The following L3MBTL1 variants were observed in gnomAD, a reference collection of about 807,000 sequenced individuals.
L3MBTL1 encodes L3MBTL histone methyl-lysine binding protein 1.
A neutral mutation model predicts 105.3 loss-of-function variants in L3MBTL1; 75 were observed. That is an observed-to-expected ratio of 0.71 (90% confidence interval 0.59 to 0.86). The LOEUF (loss-of-function observed/expected upper bound fraction) is 0.86. Ranked by LOEUF, L3MBTL1 falls within the 40% of genes least tolerant of loss-of-function variation. L3MBTL1 has a pLI of 0.00. For synonymous variants in L3MBTL1, 452 were observed against 436.2 expected (o/e 1.04, Z -0.45); for missense variants, 1,069 against 1,126.4 (o/e 0.95, Z 0.73).
downstream of L3MBTL1, among the ~76,000 whole-genome samples, chr20:43,546,575 A>G (rs1978613441): frequency 2.0e-5 from 3 of 152,084 alleles, no homozygotes; most frequent in South Asian, 4.2e-4. Flanking sequence ...CATTGCTATG[A>G]TGCTTGAGGG....
intron 12 of L3MBTL1, 80 bp from the exon 13 acceptor site, chr20:43,533,261 GC>G: frequency 2.3e-6 from 3 of 1,293,432 alleles, no homozygotes; most frequent in Non-Finnish European, 3.3e-6. Flanking sequence ...ATGAGGGTGG[GC>G]CCTGAGCCAT....
At position 43,530,862 on chromosome 20, in the gene L3MBTL1, CA is replaced by C; in HGVS notation, c.1259del (p.Lys420SerfsTer5). The stretch of plus-strand genomic sequence containing the variant: ...GCAGCACAAGAGCTCAGGCTGCCCC[CA>C]AGCACCTGTTTGTGAGCCAGAGCCA... ...LRSTRAQAAP[K>X]HLFVSQSHSP... On this transcript the variant is annotated frameshift_variant, in exon 11 of 22. Coordinates refer to ENST00000418998, the MANE Select transcript of L3MBTL1 (RefSeq NM_001377303.1). LOFTEE classifies it high-confidence loss of function. 6.2e-7 allele frequency: 1 copy of C among 1,614,040 alleles called. No individual in the cohort carries two copies. Among genetic ancestry groups the C allele is most frequent in the East Asian group, 2.2e-5 (1 of 44,876 alleles).
In L3MBTL1 at chr20:43,534,377, G is replaced by A; in HGVS notation, c.1693G>A (p.Glu565Lys). The change falls in exon 15 of 22, where the codon GAG (glutamate) becomes AAG (lysine). Residue 565 changes from glutamate (E) to lysine (K), a missense_variant. Physicochemically the swap from Glu to Lys is moderately conservative, Grantham distance 56. Transcript: ENST00000418998. ...LIRVASVEDV[E>K]DHRIKIHFDG... ...TCGCGTGGCCAGCGTGGAGGATGTG[G>A]AGGACCATCGGATAAAGGTGGCTCT... The A allele has an allele frequency of 6.2e-7, 1 of 1,614,116 alleles. No homozygotes were observed. The highest frequency in any genetic ancestry group is 8.5e-7 in the Non-Finnish European group (1 of 1,179,988).
chr20:43,548,263 C>T (rs1013021988), exon 19 of L3MBTL1: 5 of 1,301,028 alleles, frequency 3.8e-6, no homozygotes, highest in Non-Finnish European at 5.1e-6. Context: ...AGGGCTGGGC[C>T]CTCCTGCAGC....
intron 1 of L3MBTL1, among the ~76,000 whole-genome samples, chr20:43,510,426 G>T (rs2018102482): frequency 8.7e-6 from 1 of 114,660 alleles, no homozygotes; most frequent in Non-Finnish European, 1.8e-5. Context: ...TTTTTTTGAG[G>T]TGGAGTCTTA....
Position 43,519,372 on chromosome 20 carries a change from C to T in L3MBTL1, c.862+3195C>T, listed in dbSNP as rs561169190. Among the ~76,000 whole-genome samples the T allele has an allele frequency of 2.9e-3, 437 of 148,492 alleles. 2 individuals are homozygous for T. The highest frequency in any genetic ancestry group is 0.01 in the African/African-American group (416 of 40,134). ...AAAAAAAAGGCTGGGTGCAGTGGCTCACTCCTGTAATCCCAGCACTTTGGG... is the reference window on the plus strand; with the variant it reads ...AAAAAAAAGGCTGGGTGCAGTGGCTTACTCCTGTAATCCCAGCACTTTGGG... On this transcript the variant is annotated intron_variant, in intron 7 of 21. Coordinates refer to ENST00000418998, the MANE Select transcript of L3MBTL1 (RefSeq NM_001377303.1).
At chr20:43,519,987 G>A (rs1473396679) in intron 7 of L3MBTL1, among the ~76,000 whole-genome samples, 1 of 152,016 alleles carries the variant, frequency 6.6e-6, no homozygotes, top group African/African-American at 2.4e-5. Context: ...CAATTCAGTG[G>A]GGTTTTTTTT....
At chr20:43,531,189 A>G (rs911003024) in intron 11 of L3MBTL1, 1 of 337,472 alleles carries the variant, frequency 3.0e-6, no homozygotes, top group Non-Finnish European at 5.4e-6. Flanking sequence ...GTCATTGCTC[A>G]TATATTCTTG....
At chr20:43,520,413 T>C (rs543465022) in intron 7 of L3MBTL1, among the ~76,000 whole-genome samples, 2 of 152,308 alleles carry the variant, frequency 1.3e-5, no homozygotes, top group South Asian at 4.1e-4. Flanking sequence ...GGGTATATAC[T>C]TAGGGGTGGA....
At chr20:43,530,655 A>G (rs2019287710) in intron 10 of L3MBTL1, 143 bp from the exon 11 acceptor site, 1 of 830,214 alleles carries the variant, frequency 1.2e-6, no homozygotes, top group Non-Finnish European at 2.0e-6. Flanking sequence ...GTCCTGCTTC[A>G]GTAGTGGGGA....
chr20:43,547,384 G>A (rs1263384685), intron 18 of L3MBTL1, among the ~76,000 whole-genome samples: 2 of 152,178 alleles, frequency 1.3e-5, no homozygotes, highest in South Asian at 2.1e-4. Context: ...GATTACAGGC[G>A]TGAGCCACCG....
At chr20:43,520,169 G>A (rs2018634534) in intron 7 of L3MBTL1, among the ~76,000 whole-genome samples, 1 of 152,144 alleles carries the variant, frequency 6.6e-6, no homozygotes, top group Non-Finnish European at 1.5e-5. Flanking sequence ...ATATATTGTG[G>A]TTTTGTATGC....
intron 18 of L3MBTL1, chr20:43,547,964 C>T (rs1978730940): frequency 8.3e-6 from 3 of 362,596 alleles, no homozygotes; most frequent in Admixed American, 4.1e-5. Context: ...TTTCTCTCCC[C>T]TTCTCTCCTC....
chr20:43,529,474 A>G (rs2019213811), intron 9 of L3MBTL1, 106 bp downstream of exon 9: 1 of 786,468 alleles, frequency 1.3e-6, no homozygotes, highest in Non-Finnish European at 2.2e-6. Flanking sequence ...CAGAGCACAC[A>G]CAATCTAGTA....
In L3MBTL1 at chr20:43,513,849, AC is replaced by A; in HGVS notation, c.151del (p.Leu51SerfsTer73). 7.7e-6 allele frequency: 12 copies of A among 1,550,484 alleles called. No individual in the cohort carries two copies. The highest frequency in any genetic ancestry group is 1.0e-5 in the Non-Finnish European group (12 of 1,146,962). ...TAFIIPASSATLGLPSSALDV... is the reference protein window; with the variant it reads ...TAFIIPASSAXLGLPSSALDV... ...ATATCTGTTTACAGCCAGTTCGGCC[AC>A]CCTCGGCCTGCCCAGCAGTGCCCTG... On this transcript the variant is annotated frameshift_variant, in exon 3 of 22. Transcript: ENST00000418998. LOFTEE classifies it high-confidence loss of function.
chr20:43,549,211 C>T (rs1385193614), exon 19 of L3MBTL1: 1 of 152,298 alleles, frequency 6.6e-6, no homozygotes, highest in Non-Finnish European at 1.5e-5. Context: ...ATACTGTACT[C>T]TCTGTAGCTT....
chr20:43,514,127 G>A (rs890184853), intron 3 of L3MBTL1, 66 bp downstream of exon 3: 4 of 1,362,864 alleles, frequency 2.9e-6, no homozygotes, highest in Middle Eastern at 2.5e-4. Context: ...TTGCAGGCCC[G>A]GAGGCTGGAC....
At chr20:43,521,161 C>T (rs2018686391) in intron 7 of L3MBTL1, among the ~76,000 whole-genome samples, 1 of 152,180 alleles carries the variant, frequency 6.6e-6, no homozygotes, top group South Asian at 2.1e-4. Flanking sequence ...GCTAATCATG[C>T]TCTATAGGAG....
At chr20:43,531,755 C>T (rs144265133) in intron 11 of L3MBTL1, 3,889 of 146,572 alleles carry the variant, frequency 0.027, 63 homozygotes, top group Non-Finnish European at 0.042. Context: ...TGGCTGGGTG[C>T]GGTGGCTCAC....
Sources: allele counts gnomAD v4.1 joint callset (sites outside exome capture counted in the v4.1 genomes callset), GRCh38; gene constraint gnomAD v4.1.1; transcripts MANE v1.5; gene names NCBI Gene and HGNC (gene_info 2026-07-23, HGNC 2026-07-21).